Variants in SUN1 observed in about 807,000 individuals in gnomAD.
The protein encoded by SUN1 is SUN domain-containing protein 1.
Under a neutral mutation model 103.2 loss-of-function variants are expected in SUN1, and 61 were observed. The ratio of observed to expected loss-of-function variants is 0.59; its 90% CI spans 0.48 to 0.73. The LOEUF is 0.73. SUN1 is among the 30% of genes least tolerant of loss of function. The pLI, the probability that SUN1 is intolerant of heterozygous loss-of-function variation, is 0.00. For missense variants in SUN1, 1,052 were observed against 1,034.6 expected (o/e 1.02, Z -0.23); for synonymous variants, 490 against 425.7 (o/e 1.15, Z -1.86).
upstream of SUN1, among the ~76,000 whole-genome samples, chr7:828,991 G>A (rs555511266): frequency 2.0e-4 from 30 of 152,308 alleles, no homozygotes; most frequent in African/African-American, 5.8e-4. Context: ...ACACACACTC[G>A]TGTGGAACAC....
At chr7:817,474 CGGCTCCCCAG>C (rs1047186005) in intron 1 of SUN1, 75 of 1,536,040 alleles carry the variant, frequency 4.9e-5, no homozygotes, top group East Asian at 9.8e-5. Flanking sequence ...GGATTTCTCC[CGGCTCCCCAG>C]GGCTCCCCAG....
intron 5 of SUN1, among the ~76,000 whole-genome samples, chr7:847,985 T>C (rs1331623774): frequency 6.9e-6 from 1 of 144,680 alleles, no homozygotes; most frequent in Non-Finnish European, 1.5e-5. Context: ...CTCCTGGGGG[T>C]TACTCCGCAG....
Position 874,784 on chromosome 7 carries a change from A to G in SUN1, c.*1453A>G, listed in dbSNP as rs1339933601. On this transcript the variant is annotated 3_prime_UTR_variant, in exon 19 of 19. Coordinates refer to ENST00000401592, the MANE Select transcript of SUN1 (RefSeq NM_001130965.3). ...AAAGATGCAAGATAGGACTTTGTGCAATGTATTTTTGTAAATGCTTTTCAA... is the reference window on the plus strand; with the variant it reads ...AAAGATGCAAGATAGGACTTTGTGCGATGTATTTTTGTAAATGCTTTTCAA... The G allele has an allele frequency of 6.6e-6, 1 of 152,278 alleles. No individual in the cohort carries two copies. The highest frequency in any genetic ancestry group is 1.5e-5 in the Non-Finnish European group (1 of 68,048). 9.4% of individuals were successfully genotyped at this position (152,278 alleles called of 1,614,324 possible). A position where few individuals can be genotyped will look rare whatever the true frequency, so the allele number is the denominator to read the frequency against.
chr7:835,811 T>C (rs902095140), intron 1 of SUN1, among the ~76,000 whole-genome samples: 1 of 152,244 alleles, frequency 6.6e-6, no homozygotes. Flanking sequence ...GAGGAGGATG[T>C]TTCCCGGAGC....
chr7:844,489 G>C (rs1190291857), intron 5 of SUN1, among the ~76,000 whole-genome samples: 1 of 152,220 alleles, frequency 6.6e-6, no homozygotes, highest in Non-Finnish European at 1.5e-5. Context: ...CAGGACGAAG[G>C]CTTCTGCCCT....
At chr7:852,289 G>A in intron 7 of SUN1, 1 of 597,182 alleles carries the variant, frequency 1.7e-6, no homozygotes, top group Non-Finnish European at 2.9e-6. Flanking sequence ...GCAGGATGGG[G>A]GACCCAGGTC....
rs191231114 is a variant in SUN1, at chr7:843,706, T to C, written c.658+186T>C. On this transcript the variant is annotated intron_variant, in intron 5 of 18. Transcript: ENST00000401592. ...TCTTCTAGTTTACATTTTATGTGGT[T>C]AGTAATTTTGTACCTAAAAGTATTT... 417 of 1,438,572 alleles carry C rather than the reference T, an allele frequency of 2.9e-4. 1 individual carries two copies. The East Asian group carries it at 3.0e-3, about 10-fold the overall frequency. 89.1% of individuals were successfully genotyped at this position (1,438,572 alleles called of 1,614,324 possible). A position where few individuals can be genotyped will look rare whatever the true frequency, so the allele number is the denominator to read the frequency against.
chr7:870,703 C>T (rs1295080038), intron 17 of SUN1, among the ~76,000 whole-genome samples: 1 of 152,140 alleles, frequency 6.6e-6, no homozygotes, highest in Non-Finnish European at 1.5e-5. Flanking sequence ...GGCCGCTTCT[C>T]CTCTCACTGA....
intron 5 of SUN1, among the ~76,000 whole-genome samples, chr7:850,954 G>A (rs757639701): frequency 6.6e-6 from 1 of 152,090 alleles, no homozygotes; most frequent in East Asian, 1.9e-4. Flanking sequence ...GTTAGTTTTG[G>A]TCTTAATTAT....
chr7:852,105 G>C (rs1447510226), intron 7 of SUN1, 62 bp downstream of exon 7: 1 of 1,382,960 alleles, frequency 7.2e-7, no homozygotes, highest in Non-Finnish European at 1.0e-6. Context: ...GCCAATTGCA[G>C]GCTCTCATTT....
intron 5 of SUN1, chr7:848,456 G>T (rs760113474): frequency 7.3e-7 from 1 of 1,363,010 alleles, no homozygotes; most frequent in African/African-American, 1.5e-5. Context: ...TTTGTGGCTG[G>T]CCAGATACAC....
At position 861,363 on chromosome 7, in the gene SUN1, C is replaced by G; in HGVS notation, c.1780-17C>G. 1 of 1,614,040 alleles carries G rather than the reference C, an allele frequency of 6.2e-7. No individual in the cohort carries two copies. The highest frequency in any genetic ancestry group is 8.5e-7 in the Non-Finnish European group (1 of 1,179,952). ...CCTGTTCTGGTGTTTGGTCTTCCGT[C>G]CCTCGTGTCTGTCCAGCAAGCACGT... is the stretch of plus-strand genomic sequence containing the variant. On this transcript the variant is annotated splice_polypyrimidine_tract_variant and intron_variant, in intron 14 of 18. Coordinates refer to ENST00000401592, the MANE Select transcript of SUN1 (RefSeq NM_001130965.3).
In SUN1 at chr7:843,454, C is replaced by T. The variant is rs778995671; in HGVS notation, c.592C>T (p.Leu198Phe). The change falls in exon 5 of 19, where the codon CTC becomes TTC. Residue 198 changes from leucine (L) to phenylalanine (F), a missense_variant. This residue lies in a region of SUN1 where 846 missense variants were observed against 774.5 expected (regional missense o/e 1.09). Transcript: ENST00000401592. ...CSMLSERKDV[L>F]TAHPAAPGPV... ...CATGCTGTCCGAGCGCAAGGACGTG[C>T]TCACGGCGCACCCCGCGGCCCCCGG... 3.1e-6 allele frequency: 5 copies of T among 1,614,038 alleles called. No individual in the cohort carries two copies. The highest frequency in any genetic ancestry group is 3.3e-5 in the Admixed American group (2 of 60,008).
intron 16 of SUN1, among the ~76,000 whole-genome samples, chr7:867,522 G>A (rs1414779393): frequency 6.6e-6 from 1 of 152,204 alleles, no homozygotes; most frequent in African/African-American, 2.4e-5. Context: ...TGGGGATCTG[G>A]TGGTGAGAGC....
chr7:841,194 A>G (rs1809448544), intron 2 of SUN1, among the ~76,000 whole-genome samples: 1 of 150,964 alleles, frequency 6.6e-6, no homozygotes, highest in Admixed American at 6.6e-5. Context: ...CAGCCTCCCA[A>G]AGTGCTGGGA....
chr7:824,131 C>T (rs1789068870), intron 1 of SUN1, among the ~76,000 whole-genome samples: 1 of 152,176 alleles, frequency 6.6e-6, no homozygotes, highest in African/African-American at 2.4e-5. Context: ...GTATCCCTGC[C>T]ATGTAGTAGT....
chr7:833,553 C>T (rs1799914553), intron 1 of SUN1, among the ~76,000 whole-genome samples: 1 of 152,098 alleles, frequency 6.6e-6, no homozygotes, highest in Non-Finnish European at 1.5e-5. Context: ...TCAGGTGATC[C>T]ACCCACCTCG....
In SUN1 at chr7:843,217, G is replaced by A. The variant is rs779108386; in HGVS notation, c.463G>A (p.Asp155Asn). The A allele has an allele frequency of 6.2e-7, 1 of 1,608,468 alleles. No homozygotes were observed. The highest frequency in any genetic ancestry group is 8.5e-7 in the Non-Finnish European group (1 of 1,179,548). Residue 155 changes from aspartate to asparagine, a missense_variant, in exon 4 of 19, where the codon GAT (aspartate) becomes AAT (asparagine). This residue lies in a region of SUN1 where 846 missense variants were observed against 774.5 expected (regional missense o/e 1.09). Transcript: ENST00000401592. ...TVDHFWGLDD[D>N]GDLKGGNKAA... Reference sequence around the variant, plus strand: ...GTTTTTTTTTTTAGGTCTTGATGATGATGGTGATCTTAAAGGTAATTATTT... The same window carrying A: ...GTTTTTTTTTTTAGGTCTTGATGATAATGGTGATCTTAAAGGTAATTATTT...
At chr7:870,866 C>T (rs895275331) in intron 17 of SUN1, among the ~76,000 whole-genome samples, 3 of 150,382 alleles carry the variant, frequency 2.0e-5, no homozygotes, top group Admixed American at 1.3e-4. Context: ...GTGTTACTAG[C>T]ATTTTCTTTT....
Sources: allele counts gnomAD v4.1 joint callset (sites outside exome capture counted in the v4.1 genomes callset), GRCh38; gene constraint gnomAD v4.1.1; regional missense constraint gnomAD v4.1.1; transcripts MANE v1.5; gene names NCBI Gene and HGNC (gene_info 2026-07-23, HGNC 2026-07-21).